Variants in TMEM117 observed in about 807,000 individuals in gnomAD.
TMEM117 encodes the protein transmembrane protein 117.
In TMEM117, 27 loss-of-function variants were observed where a neutral mutation model predicts 52.4. The ratio of observed to expected loss-of-function variants is 0.51; its 90% CI spans 0.38 to 0.71. TMEM117 has a LOEUF of 0.71. TMEM117 is among the 30% of genes least tolerant of loss of function. The probability of loss-of-function intolerance (pLI) is 0.00; values close to 1 mark genes in which losing one functional copy is unlikely to be tolerated. For missense variants in TMEM117, 556 were observed against 630.5 expected, an observed-to-expected ratio of 0.88 and a Z score of 1.26; for synonymous variants, 215 against 206.3, an observed-to-expected ratio of 1.04 and a Z score of -0.36.
chr12:44,293,156 C>G (rs75292049), intron 5 of TMEM117, among the ~76,000 whole-genome samples: 2 of 151,796 alleles, frequency 1.3e-5, no homozygotes, highest in Middle Eastern at 6.8e-3. Flanking sequence ...TATATTGACA[C>G]TTGTTATTAT....
At position 44,376,825 on chromosome 12, in the gene TMEM117, T is replaced by G. The variant is rs544464744; in HGVS notation, c.898+101T>G. The G allele has an allele frequency of 6.7e-4, 840 of 1,258,644 alleles. 15 individuals are homozygous for G. The South Asian group carries it at 0.012, about 18-fold the overall frequency. 78.0% of individuals were successfully genotyped at this position (1,258,644 alleles called of 1,614,324 possible). A position where few individuals can be genotyped will look rare whatever the true frequency, so the allele number is the denominator to read the frequency against. On this transcript the variant is annotated intron_variant, in intron 7 of 7. Coordinates refer to ENST00000266534, the MANE Select transcript of TMEM117 (RefSeq NM_032256.3). Reference sequence around the variant, plus strand: ...AGCCATAATATTTGAGAGGCATAAATACAATGTTATTTCTCATTCACTTAA... The same window carrying G: ...AGCCATAATATTTGAGAGGCATAAAGACAATGTTATTTCTCATTCACTTAA...
intron 6 of TMEM117, among the ~76,000 whole-genome samples, chr12:44,350,756 A>G (rs1951551576): frequency 6.6e-6 from 1 of 152,022 alleles, no homozygotes; most frequent in African/African-American, 2.4e-5. Context: ...TTCTTCATCC[A>G]TTCATCTGCT....
intron 2 of TMEM117, among the ~76,000 whole-genome samples, chr12:43,933,969 A>G (rs1335598983): frequency 6.6e-6 from 1 of 152,254 alleles, no homozygotes; most frequent in Non-Finnish European, 1.5e-5. Flanking sequence ...TGTTGAAATA[A>G]TGTTTCTAAT....
chr12:44,119,478 A>C (rs1948198082), intron 3 of TMEM117, among the ~76,000 whole-genome samples: 1 of 152,194 alleles, frequency 6.6e-6, no homozygotes, highest in South Asian at 2.1e-4. Context: ...TTTTGTTTTC[A>C]TGAGCCCCAG....
intron 5 of TMEM117, among the ~76,000 whole-genome samples, chr12:44,261,832 A>T (rs1215772870): frequency 1.3e-5 from 2 of 152,210 alleles, no homozygotes; most frequent in Non-Finnish European, 2.9e-5. Context: ...CAATTAAAGC[A>T]AGCCAGGAAG....
At chr12:43,918,588 C>T (rs1944642986) in intron 2 of TMEM117, among the ~76,000 whole-genome samples, 1 of 152,164 alleles carries the variant, frequency 6.6e-6, no homozygotes, top group Non-Finnish European at 1.5e-5. Context: ...TACATGCTTG[C>T]TTGTCTGTAG....
intron 3 of TMEM117, among the ~76,000 whole-genome samples, chr12:43,968,935 C>T (rs181768619): frequency 2.4e-4 from 37 of 152,114 alleles, no homozygotes; most frequent in African/African-American, 5.1e-4. Context: ...GTGTGACACG[C>T]GGATTTATGT....
chr12:44,009,766 G>T, intron 3 of TMEM117: 1 of 265,120 alleles, frequency 3.8e-6, no homozygotes. Context: ...CTCTCTGCAA[G>T]CGTTTCACCA....
chr12:44,150,442 C>A (rs927046209), intron 4 of TMEM117, among the ~76,000 whole-genome samples: 1 of 151,968 alleles, frequency 6.6e-6, no homozygotes, highest in Admixed American at 6.6e-5. Context: ...CAAGAGGTTG[C>A]GAGTGGGACA....
At chr12:44,238,629 A>G (rs1343119579) in intron 5 of TMEM117, among the ~76,000 whole-genome samples, 1 of 152,042 alleles carries the variant, frequency 6.6e-6, no homozygotes, top group East Asian at 1.9e-4. Context: ...TAGGGAACAT[A>G]ACAAGACCCT....
chr12:43,945,513 G>A (rs1945117617), intron 3 of TMEM117, among the ~76,000 whole-genome samples: 1 of 152,036 alleles, frequency 6.6e-6, no homozygotes, highest in Admixed American at 6.6e-5. Context: ...AGTAGAGGTG[G>A]GATTTCACCA....
intron 2 of TMEM117, among the ~76,000 whole-genome samples, chr12:43,922,400 C>T (rs1274365583): frequency 6.6e-6 from 1 of 152,098 alleles, no homozygotes; most frequent in Non-Finnish European, 1.5e-5. Context: ...ATGAAATTAA[C>T]ATATAGGTAA....
At chr12:43,877,845 T>A (rs1445831047) in intron 2 of TMEM117, among the ~76,000 whole-genome samples, 2 of 150,774 alleles carry the variant, frequency 1.3e-5, no homozygotes, top group Non-Finnish European at 2.9e-5. Flanking sequence ...GAAATACCAG[T>A]TGCAAAGTAA....
chr12:44,055,132 A>T (rs1592478185), intron 3 of TMEM117, among the ~76,000 whole-genome samples: 1 of 151,802 alleles, frequency 6.6e-6, no homozygotes, highest in Admixed American at 6.5e-5. Context: ...TAAGAAAAGT[A>T]TAAAAGTTCT....
intron 2 of TMEM117, among the ~76,000 whole-genome samples, chr12:43,874,926 A>C (rs2137435520): frequency 6.6e-6 from 1 of 152,356 alleles, no homozygotes; most frequent in East Asian, 1.9e-4. Context: ...AGGGTCACTG[A>C]AATCCCTCTG....
intron 2 of TMEM117, among the ~76,000 whole-genome samples, chr12:43,905,561 A>G (rs1944372691): frequency 6.6e-6 from 1 of 152,200 alleles, no homozygotes; most frequent in African/African-American, 2.4e-5. Flanking sequence ...TCTTAAAACC[A>G]TAATGGGTAA....
At chr12:44,378,629 T>C (rs1309424731) in intron 7 of TMEM117, among the ~76,000 whole-genome samples, 2 of 152,192 alleles carry the variant, frequency 1.3e-5, no homozygotes, top group Admixed American at 6.5e-5. Context: ...AGTTCAACTT[T>C]TATAGCAGAG....
At chr12:44,326,164 GTTTTGTTTTTGT>G (rs979451368) in intron 6 of TMEM117, among the ~76,000 whole-genome samples, 50 of 151,974 alleles carry the variant, frequency 3.3e-4, no homozygotes, top group East Asian at 2.5e-3. Flanking sequence ...TGAGACCCTG[GTTTTGTTTTTGT>G]TTTTGTTTTT....
intron 3 of TMEM117, among the ~76,000 whole-genome samples, chr12:44,118,254 A>C (rs1055147637): frequency 1.3e-5 from 2 of 152,148 alleles, no homozygotes; most frequent in African/African-American, 4.8e-5. Context: ...GTTGAGATCA[A>C]CCCCTTTCTC....
Sources: allele counts gnomAD v4.1 joint callset (sites outside exome capture counted in the v4.1 genomes callset), GRCh38; gene constraint gnomAD v4.1.1; transcripts MANE v1.5; gene names NCBI Gene and HGNC (gene_info 2026-07-23, HGNC 2026-07-21).